DGKB: variants seen among roughly 807,000 people sequenced by gnomAD.
DGKB encodes the protein 90 kDa diacylglycerol kinase.
In DGKB, 67 loss-of-function variants were observed where a neutral mutation model predicts 114.3. The observed-to-expected ratio is 0.59, with a 90% CI of 0.48 to 0.72. The LOEUF (loss-of-function observed/expected upper bound fraction) is 0.72, where lower values mean the gene tolerates loss of function less well. Ranked by LOEUF, DGKB falls within the 30% of genes least tolerant of loss-of-function variation. The pLI is 0.00. For missense variants in DGKB, 907 were observed against 975.2 expected, an observed-to-expected ratio of 0.93 and a Z score of 0.93; for synonymous variants, 398 against 323.1, an observed-to-expected ratio of 1.23 and a Z score of -2.49.
chr7:14,177,095 T>G (rs1781863110), intron 24 of DGKB, among the ~76,000 whole-genome samples, 196 bp from the exon 25 acceptor site: 1 of 152,178 alleles, frequency 6.6e-6, no homozygotes, highest in Non-Finnish European at 1.5e-5. Flanking sequence ...AGGAATATTA[T>G]GAGCTTCCTG....
At chr7:14,869,131 C>A (rs1001344381) in intron 1 of DGKB, among the ~76,000 whole-genome samples, 2 of 152,012 alleles carry the variant, frequency 1.3e-5, no homozygotes, top group Non-Finnish European at 2.9e-5. Flanking sequence ...AATAACCAAG[C>A]CCATACAGAT....
intron 1 of DGKB, among the ~76,000 whole-genome samples, chr7:14,912,928 A>C (rs1462895207): frequency 6.6e-6 from 1 of 152,054 alleles, no homozygotes; most frequent in Non-Finnish European, 1.5e-5. Flanking sequence ...AATATTCCTT[A>C]TTTCACTTGT....
intron 6 of DGKB, among the ~76,000 whole-genome samples, chr7:14,717,717 A>T (rs1828441963): frequency 6.6e-6 from 1 of 152,128 alleles, no homozygotes. Flanking sequence ...CTTCACTATC[A>T]TTCTAGTAGC....
intron 1 of DGKB, among the ~76,000 whole-genome samples, chr7:14,899,790 C>T (rs1277106028): frequency 6.6e-6 from 1 of 152,108 alleles, no homozygotes; most frequent in Non-Finnish European, 1.5e-5. Context: ...ATCTCTCAAG[C>T]ACTATCCACC....
intron 2 of DGKB, among the ~76,000 whole-genome samples, chr7:14,811,813 C>CAAATTGTATTATTTT (rs11274836): frequency 0.41 from 61,985 of 151,550 alleles, 14,444 homozygotes; most frequent in African/African-American, 0.64. Flanking sequence ...CACACACACA[C>CAAATTGTATTATTTT]AACCATTTTT....
chr7:14,871,803 G>A (rs1455506715), intron 1 of DGKB, among the ~76,000 whole-genome samples: 2 of 152,036 alleles, frequency 1.3e-5, no homozygotes, highest in Non-Finnish European at 2.9e-5. Flanking sequence ...CTATATATGG[G>A]GAGGTGTGGT....
intron 21 of DGKB, among the ~76,000 whole-genome samples, chr7:14,346,571 T>C (rs1456931687): frequency 6.6e-6 from 1 of 151,968 alleles, no homozygotes; most frequent in Non-Finnish European, 1.5e-5. Flanking sequence ...TCTTTATTCT[T>C]TTCCAGAGAA....
chr7:14,182,031 A>G (rs1372040957), intron 23 of DGKB, among the ~76,000 whole-genome samples: 2 of 152,298 alleles, frequency 1.3e-5, no homozygotes, highest in East Asian at 3.9e-4. Context: ...ATTTTCACTA[A>G]CATGTAATTG....
intron 20 of DGKB, among the ~76,000 whole-genome samples, chr7:14,529,227 T>C (rs921521648): frequency 6.6e-6 from 1 of 151,920 alleles, no homozygotes; most frequent in African/African-American, 2.4e-5. Context: ...TGATGTAGGC[T>C]GAATGTAGAA....
At chr7:14,946,104 C>A (rs1310479825) in intron 1 of DGKB, among the ~76,000 whole-genome samples, 1 of 151,146 alleles carries the variant, frequency 6.6e-6, no homozygotes, top group Non-Finnish European at 1.5e-5. Flanking sequence ...TTCTTGAGAT[C>A]TCTTTCATTT....
At chr7:14,231,123 C>CT (rs1554297180) in intron 23 of DGKB, among the ~76,000 whole-genome samples, 3 of 124,208 alleles carry the variant, frequency 2.4e-5, no homozygotes, top group African/African-American at 6.3e-5. Context: ...TTCTTTCTTT[C>CT]TTTCTTTCTT....
At chr7:14,600,152 A>G (rs1270353626) in intron 17 of DGKB, among the ~76,000 whole-genome samples, 1 of 152,134 alleles carries the variant, frequency 6.6e-6, no homozygotes, top group East Asian at 1.9e-4. Context: ...GCATCCACTC[A>G]TGGCAGAGGG....
chr7:14,682,081 T>C (rs973794880), intron 12 of DGKB, among the ~76,000 whole-genome samples: 2 of 152,110 alleles, frequency 1.3e-5, no homozygotes, highest in Non-Finnish European at 2.9e-5. Flanking sequence ...CTTCACTATG[T>C]ACTTAAATCA....
chr7:14,749,191 T>A (rs1833777872), intron 4 of DGKB, among the ~76,000 whole-genome samples: 1 of 152,162 alleles, frequency 6.6e-6, no homozygotes, highest in African/African-American at 2.4e-5. Context: ...TTAGAAAAAT[T>A]TATATTTTAA....
intron 20 of DGKB, among the ~76,000 whole-genome samples, chr7:14,544,986 G>GT (rs901188473): frequency 1.3e-3 from 183 of 144,398 alleles, no homozygotes; most frequent in South Asian, 2.8e-3. Flanking sequence ...ATGCCAAAAT[G>GT]TTTTTTTTTT....
At chr7:14,910,335 G>A (rs1480215542) in intron 1 of DGKB, among the ~76,000 whole-genome samples, 3 of 149,634 alleles carry the variant, frequency 2.0e-5, no homozygotes, top group Admixed American at 2.0e-4. Flanking sequence ...ATTAGGAGAA[G>A]GCAAAAAACA....
At chr7:14,957,389 A>G (rs2115256704) in intron 1 of DGKB, among the ~76,000 whole-genome samples, 1 of 152,104 alleles carries the variant, frequency 6.6e-6, no homozygotes, top group Non-Finnish European at 1.5e-5. Context: ...AGCATTGGAG[A>G]CAGTTTCTTA....
chr7:14,962,161 G>C (rs915246917), intron 1 of DGKB, among the ~76,000 whole-genome samples: 3 of 152,068 alleles, frequency 2.0e-5, no homozygotes, highest in African/African-American at 4.8e-5. Context: ...TGTATGAAAT[G>C]GTTTGCATAT....
intron 10 of DGKB, among the ~76,000 whole-genome samples, chr7:14,683,387 G>A (rs775282685): frequency 2.6e-4 from 39 of 152,072 alleles, no homozygotes; most frequent in African/African-American, 8.5e-4. Context: ...TCATGGCATC[G>A]TTTGTCCAAA....
Sources: gnomAD v4.1 joint callset for allele counts (sites outside exome capture counted in the v4.1 genomes callset) on GRCh38, gnomAD v4.1.1 for gene constraint, MANE v1.5 for transcripts, NCBI Gene and HGNC (gene_info 2026-07-23, HGNC 2026-07-21) for gene names.